The following ARID5B variants were observed in gnomAD, a reference collection of about 807,000 sequenced individuals.
ARID5B encodes the protein AT-rich interaction domain 5B.
A neutral mutation model predicts 97.2 loss-of-function variants in ARID5B; 13 were observed. The observed-to-expected ratio is 0.13, with a 90% CI of 0.09 to 0.21. ARID5B has a LOEUF of 0.21. ARID5B is among the 10% of genes least tolerant of loss of function. The probability of loss-of-function intolerance (pLI) is 1.00; values close to 1 mark genes in which losing one functional copy is unlikely to be tolerated. For missense variants in ARID5B, 1,210 were observed against 1,465.3 expected (o/e 0.83, Z 2.84); for synonymous variants, 556 against 570.3 (o/e 0.97, Z 0.36).
chr10:62,011,100 A>T (rs1209665097), intron 4 of ARID5B, among the ~76,000 whole-genome samples: 1 of 152,226 alleles, frequency 6.6e-6, no homozygotes, highest in Non-Finnish European at 1.5e-5. Flanking sequence ...TATGATTGAC[A>T]GTTGAGGCCT....
chr10:61,934,060 C>T (rs577858217), intron 2 of ARID5B, among the ~76,000 whole-genome samples: 7 of 152,344 alleles, frequency 4.6e-5, no homozygotes, highest in African/African-American at 1.7e-4. Flanking sequence ...GCAATTTCTA[C>T]ATCAGCATTT....
At chr10:62,006,279 T>TA (rs1342251437) in intron 4 of ARID5B, among the ~76,000 whole-genome samples, 2 of 152,008 alleles carry the variant, frequency 1.3e-5, no homozygotes, top group African/African-American at 4.8e-5. Flanking sequence ...TCTTCTCTAC[T>TA]AAAAATACAA....
At chr10:62,060,068 A>G (rs1277493829) in intron 7 of ARID5B, among the ~76,000 whole-genome samples, 1 of 152,240 alleles carries the variant, frequency 6.6e-6, no homozygotes, top group East Asian at 1.9e-4. Flanking sequence ...CAATGATCAG[A>G]TTAAGTTGTG....
At chr10:62,044,725 C>T (rs1839684410) in intron 4 of ARID5B, among the ~76,000 whole-genome samples, 2 of 152,300 alleles carry the variant, frequency 1.3e-5, no homozygotes, top group East Asian at 3.9e-4. Context: ...ACTGTCAGAA[C>T]AATTGCCAAA....
chr10:62,008,176 G>C (rs1839171657), intron 4 of ARID5B, among the ~76,000 whole-genome samples: 2 of 151,846 alleles, frequency 1.3e-5, no homozygotes, highest in African/African-American at 2.4e-5. Context: ...CAACAGAGCA[G>C]TACCCAGCAC....
intron 3 of ARID5B, among the ~76,000 whole-genome samples, chr10:61,980,320 C>T (rs1838760235): frequency 6.6e-6 from 1 of 152,112 alleles, no homozygotes; most frequent in Non-Finnish European, 1.5e-5. Context: ...AGAATGAAGC[C>T]CTTCTTTGCC....
intron 4 of ARID5B, among the ~76,000 whole-genome samples, chr10:62,044,906 G>A (rs1423493612): frequency 6.6e-6 from 1 of 152,128 alleles, no homozygotes; most frequent in Admixed American, 6.5e-5. Context: ...GACTGATTTT[G>A]GGAAAACAGA....
At chr10:62,044,481 A>G (rs1839681279) in intron 4 of ARID5B, among the ~76,000 whole-genome samples, 1 of 151,468 alleles carries the variant, frequency 6.6e-6, no homozygotes, top group Non-Finnish European at 1.5e-5. Flanking sequence ...GCTGAACTCA[A>G]ATAATCATCT....
chr10:62,071,160 C>T lies in ARID5B; in HGVS notation c.1199+1363C>T, dbSNP rs995325192. Among the ~76,000 whole-genome samples, 5 of 151,528 alleles carry T rather than the reference C, an allele frequency of 3.3e-5. No homozygotes were observed. In the East Asian group the frequency reaches 7.8e-4, roughly 24 times the overall value. On this transcript the variant is annotated intron_variant, in intron 8 of 9. Coordinates refer to ENST00000279873, the MANE Select transcript of ARID5B (RefSeq NM_032199.3). ...AAGCGATTCTCCTGACTCAGTCTCC[C>T]AAGTAACTGGGACTACAGGCACGTG... is the stretch of plus-strand genomic sequence containing the variant.
chr10:62,085,000 CT>C (rs1840262443), intron 8 of ARID5B, among the ~76,000 whole-genome samples: 1 of 152,130 alleles, frequency 6.6e-6, no homozygotes, highest in South Asian at 2.1e-4. Flanking sequence ...TCTCATTGAC[CT>C]TTTTATCTTA....
chr10:61,915,792 G>A (rs758816504), intron 2 of ARID5B, among the ~76,000 whole-genome samples: 1 of 152,182 alleles, frequency 6.6e-6, no homozygotes, highest in Admixed American at 6.5e-5. Flanking sequence ...GTCTCGCTCT[G>A]TCGCCCAGGC....
chr10:61,951,387 C>A (rs901947806), intron 3 of ARID5B, among the ~76,000 whole-genome samples: 8 of 152,154 alleles, frequency 5.3e-5, no homozygotes, highest in African/African-American at 1.7e-4. Flanking sequence ...TGTGCCTTGC[C>A]TAGAACTCTC....
At chr10:61,997,525 C>A (rs1839017982) in intron 3 of ARID5B, among the ~76,000 whole-genome samples, 1 of 152,132 alleles carries the variant, frequency 6.6e-6, no homozygotes, top group Non-Finnish European at 1.5e-5. Flanking sequence ...CATTTTTCTC[C>A]ATTTTATTTC....
intron 3 of ARID5B, among the ~76,000 whole-genome samples, chr10:61,949,374 C>A (rs1320563818): frequency 2.6e-5 from 4 of 152,304 alleles, no homozygotes; most frequent in South Asian, 2.1e-4. Context: ...CGGTGGCTCA[C>A]GCCTATAATC....
chr10:62,004,281 G>C (rs1217046005), intron 4 of ARID5B, among the ~76,000 whole-genome samples: 1 of 152,202 alleles, frequency 6.6e-6, no homozygotes, highest in Non-Finnish European at 1.5e-5. Flanking sequence ...AATGGTAGGT[G>C]ATTGAAAAGC....
chr10:62,069,618 C>T (rs1469508825), intron 7 of ARID5B, 82 bp from the exon 8 acceptor site: 2 of 1,240,620 alleles, frequency 1.6e-6, no homozygotes, highest in Non-Finnish European at 2.4e-6. Context: ...CTGTTCTCTT[C>T]TGACTGTTGC....
At position 62,058,794 on chromosome 10, in the gene ARID5B, G is replaced by A. The variant is rs117696455; in HGVS notation, c.1049-449G>A. Among the ~76,000 whole-genome samples, 1,151 of 152,280 alleles carry A rather than the reference G, an allele frequency of 7.6e-3. 4 individuals are homozygous for A. The highest frequency in any genetic ancestry group is 0.012 in the Non-Finnish European group (845 of 68,004). On this transcript the variant is annotated intron_variant, in intron 6 of 9. Coordinates refer to ENST00000279873, the MANE Select transcript of ARID5B (RefSeq NM_032199.3). ...TGCCATCAGACATTCTATTAAGAAG[G>A]TAATCGTATATTAAAGTGGCTGTTA... is the stretch of plus-strand genomic sequence containing the variant.
At chr10:62,042,793 T>C (rs1235057378) in intron 4 of ARID5B, among the ~76,000 whole-genome samples, 1 of 151,546 alleles carries the variant, frequency 6.6e-6, no homozygotes, top group Non-Finnish European at 1.5e-5. Context: ...CGGGCGCCTG[T>C]AGTCCCAGCT....
chr10:62,095,261 C>T lies in ARID5B; in HGVS notation c.*2231C>T, dbSNP rs1840451470. On this transcript the variant is annotated 3_prime_UTR_variant, in exon 10 of 10. Coordinates refer to ENST00000279873, the MANE Select transcript of ARID5B (RefSeq NM_032199.3). ...AGCCAGGACACATATAAGAAAGTTG[C>T]ACTAGATTGAATGGTCACAGAATCG... The T allele has an allele frequency of 4.3e-6, 1 of 233,138 alleles. No individual in the cohort carries two copies. The highest frequency in any genetic ancestry group is 2.2e-5 in the African/African-American group (1 of 45,238). The allele number at this position is 233,138 out of a possible 1,614,324, so 14.4% of individuals were successfully genotyped here. A position where few individuals can be genotyped will look rare whatever the true frequency, so the allele number is the denominator to read the frequency against.
Sources: gnomAD v4.1 joint callset for allele counts (sites outside exome capture counted in the v4.1 genomes callset) on GRCh38, gnomAD v4.1.1 for gene constraint, MANE v1.5 for transcripts, NCBI Gene and HGNC (gene_info 2026-07-23, HGNC 2026-07-21) for gene names.